PHC3: variants seen among roughly 807,000 people sequenced by gnomAD.
PHC3 encodes the protein polyhomeotic-like protein 3.
PHC3 carries 13 observed loss-of-function variants against 107.4 expected under a neutral mutation model. The observed-to-expected ratio is 0.12, with a 90% CI of 0.08 to 0.19. The LOEUF is 0.19. Ranked by LOEUF, PHC3 falls within the 10% of genes least tolerant of loss-of-function variation. The pLI, the probability that PHC3 is intolerant of heterozygous loss-of-function variation, is 1.00. For missense variants in PHC3, 992 were observed against 1,210.9 expected, an observed-to-expected ratio of 0.82 and a Z score of 2.68; for synonymous variants, 456 against 427.4, an observed-to-expected ratio of 1.07 and a Z score of -0.83.
At chr3:170,124,126 GCGTGAGCCA>G (rs1351735783) in intron 8 of PHC3, among the ~76,000 whole-genome samples, 1 of 152,096 alleles carries the variant, frequency 6.6e-6, no homozygotes, top group Non-Finnish European at 1.5e-5. Flanking sequence ...GGGATTACAG[GCGTGAGCCA>G]CCGCACCCGG....
chr3:170,099,700 CAAAAT>C (rs1309730316), intron 14 of PHC3, among the ~76,000 whole-genome samples: 1 of 152,024 alleles, frequency 6.6e-6, no homozygotes, highest in Non-Finnish European at 1.5e-5. Flanking sequence ...CAGCTAAACT[CAAAAT>C]AAAACACCCT....
At chr3:170,105,881 C>T (rs1004361212) in intron 12 of PHC3, among the ~76,000 whole-genome samples, 7 of 152,088 alleles carry the variant, frequency 4.6e-5, no homozygotes, top group Non-Finnish European at 7.4e-5. Context: ...GGGAATTATA[C>T]GATTAATGAA....
intron 4 of PHC3, among the ~76,000 whole-genome samples, chr3:170,152,034 CAGTT>C (rs1339744447): frequency 1.3e-5 from 2 of 151,992 alleles, no homozygotes; most frequent in Admixed American, 6.5e-5. Context: ...AGGCACATGA[CAGTT>C]GGTTATCTAA....
Position 170,117,480 on chromosome 3 carries a change from A to G in PHC3, c.1943-4T>C, listed in dbSNP as rs184856925. ...ACAGCAGGTAATTCCACTTGCTCTG[A>G]AAAAAAAACCAAAAAGTCATTTAAA... On this transcript the variant is annotated splice_polypyrimidine_tract_variant and splice_region_variant and intron_variant, in intron 9 of 14. Coordinates refer to ENST00000495893, the MANE Select transcript of PHC3 (RefSeq NM_024947.4). 1.6e-3 allele frequency: 2,541 copies of G among 1,574,678 alleles called. 48 individuals are homozygous for G. In the South Asian group the frequency reaches 0.018, roughly 11 times the overall value.
chr3:170,144,215 C>T (rs1007766609), intron 6 of PHC3, among the ~76,000 whole-genome samples: 1 of 150,778 alleles, frequency 6.6e-6, no homozygotes, highest in African/African-American at 2.4e-5. Context: ...GTAGTGCGTG[C>T]CTGTAATCCC....
At position 170,131,032 on chromosome 3, in the gene PHC3, A is replaced by T. The variant is rs934756209; in HGVS notation, c.920-1480T>A. On this transcript the variant is annotated intron_variant, in intron 7 of 14. Coordinates refer to ENST00000495893, the MANE Select transcript of PHC3 (RefSeq NM_024947.4). The stretch of plus-strand genomic sequence containing the variant: ...AACTTTCCACAACTTTTTAAAAAAA[A>T]TTTTCACATTTGGTTATTATTTAAA... 2.6e-4 allele frequency among the ~76,000 whole-genome samples: 40 copies of T among 152,180 alleles called. 1 individual carries two copies. The highest frequency in any genetic ancestry group is 1.5e-3 in the Admixed American group (23 of 15,270).
rs917482981 is a variant in PHC3, at chr3:170,181,254, C to A, written c.14+448G>T. Among the ~76,000 whole-genome samples, 20 of 152,302 alleles carry A rather than the reference C, an allele frequency of 1.3e-4. No individual in the cohort carries two copies. In the South Asian group the frequency reaches 3.9e-3, roughly 30 times the overall value. ...CCCGCTGAGGAGGAGTGGGGTGGCG[C>A]CGGGGCGGGAAGGAGAAGAAGGCGA... On this transcript the variant is annotated intron_variant, in intron 1 of 14. Coordinates refer to ENST00000495893, the MANE Select transcript of PHC3 (RefSeq NM_024947.4).
intron 14 of PHC3, among the ~76,000 whole-genome samples, chr3:170,100,634 G>C (rs553932468): frequency 6.6e-6 from 1 of 152,132 alleles, no homozygotes; most frequent in Non-Finnish European, 1.5e-5. Context: ...GTGTCTAGAT[G>C]AACTCTATAA....
rs766291689 is a variant in PHC3 at position 170,129,278 on chromosome 3, A to C, written c.1194T>G (p.Pro398=). 5.0e-6 allele frequency: 8 copies of C among 1,613,972 alleles called. No individual in the cohort carries two copies. The Admixed American group carries it at 1.3e-4, about 27-fold the overall frequency. Residue 398 remains proline, a synonymous_variant, in exon 8 of 15, where the codon CCT becomes CCG. Transcript: ENST00000495893. ...QSHPSPLTVS[P]NQSQSAQQSV... is the part of the protein sequence containing the mutation. ...ACTGCTGTGCTGACTGTGACTGATT[A>C]GGAGACACTGTTAAAGGAGAGGGAT...
chr3:170,156,273 T>C (rs1047010785), intron 4 of PHC3, among the ~76,000 whole-genome samples: 2 of 151,982 alleles, frequency 1.3e-5, no homozygotes, highest in Admixed American at 1.3e-4. Context: ...TTTTTTTTTC[T>C]TGAGACAGAG....
At chr3:170,143,607 G>T (rs1724466901) in intron 6 of PHC3, among the ~76,000 whole-genome samples, 1 of 152,078 alleles carries the variant, frequency 6.6e-6, no homozygotes, top group African/African-American at 2.4e-5. Flanking sequence ...TATTCATTAT[G>T]AAGAATACCA....
At chr3:170,169,326 A>G (rs1566426) in intron 4 of PHC3, among the ~76,000 whole-genome samples, 46,591 of 151,868 alleles carry the variant, frequency 0.31, 7,193 homozygotes, top group East Asian at 0.49. Context: ...AAATAATCAA[A>G]ACTCTGAAAA....
intron 1 of PHC3, among the ~76,000 whole-genome samples, chr3:170,180,442 A>T (rs1731204020): frequency 6.6e-6 from 1 of 152,114 alleles, no homozygotes; most frequent in Non-Finnish European, 1.5e-5. Context: ...AGAGTGAGAG[A>T]CGCTGTCACA....
chr3:170,128,529 T>G (rs1721718228), intron 8 of PHC3, 155 bp downstream of exon 8: 1 of 1,120,936 alleles, frequency 8.9e-7, no homozygotes, highest in South Asian at 1.7e-5. Context: ...TTTTTTTTTT[T>G]GCCCATACAG....
At chr3:170,120,929 T>C (rs866045969) in intron 9 of PHC3, among the ~76,000 whole-genome samples, 1 of 152,154 alleles carries the variant, frequency 6.6e-6, no homozygotes. Context: ...GAACCAAGAT[T>C]AGTATTATTC....
At chr3:170,178,969 TAA>T (rs1560144642) in intron 1 of PHC3, 31 bp from the exon 2 acceptor site, 1 of 1,566,472 alleles carries the variant, frequency 6.4e-7, no homozygotes, top group Admixed American at 1.7e-5. Context: ...TTTGTATTGG[TAA>T]AAGCATTATC....
intron 2 of PHC3, among the ~76,000 whole-genome samples, chr3:170,177,431 A>ATC (rs1730646468): frequency 6.6e-6 from 1 of 152,132 alleles, no homozygotes; most frequent in Admixed American, 6.5e-5. Context: ...CAGTGGCGCT[A>ATC]TCTTGGCTCA....
intron 6 of PHC3, among the ~76,000 whole-genome samples, chr3:170,142,207 T>C (rs1724223448): frequency 6.6e-6 from 1 of 152,226 alleles, no homozygotes; most frequent in Admixed American, 6.5e-5. Context: ...TATTAACATA[T>C]TTAATCCTCA....
intron 8 of PHC3, among the ~76,000 whole-genome samples, chr3:170,126,413 T>C (rs1721245124): frequency 6.6e-6 from 1 of 150,958 alleles, no homozygotes; most frequent in African/African-American, 2.4e-5. Context: ...ATTAATATCA[T>C]TTTTTAAACT....
Sources: allele counts gnomAD v4.1 joint callset (sites outside exome capture counted in the v4.1 genomes callset), GRCh38; gene constraint gnomAD v4.1.1; transcripts MANE v1.5; gene names NCBI Gene and HGNC (gene_info 2026-07-23, HGNC 2026-07-21).